ITPR1: variants seen among roughly 807,000 people sequenced by gnomAD.
The protein encoded by ITPR1 is inositol 1,4,5-trisphosphate-gated calcium channel ITPR1.
A neutral mutation model predicts 318.4 loss-of-function variants in ITPR1; 96 were observed. The ratio of observed to expected loss-of-function variants is 0.30; its 90% CI spans 0.26 to 0.36. ITPR1 has a LOEUF of 0.36. Ranked by LOEUF, ITPR1 falls within the 10% of genes least tolerant of loss-of-function variation. ITPR1 has a pLI of 1.00. For synonymous variants in ITPR1, 1,312 were observed against 1,289.9 expected, an observed-to-expected ratio of 1.02 and a Z score of -0.37; for missense variants, 2,440 against 3,460.2, an observed-to-expected ratio of 0.71 and a Z score of 7.40.
chr3:4,551,112 T>TA (rs2085522940), intron 4 of ITPR1, among the ~76,000 whole-genome samples: 1 of 152,178 alleles, frequency 6.6e-6, no homozygotes, highest in Non-Finnish European at 1.5e-5. Flanking sequence ...GAAGAGAAGA[T>TA]ACCAGCTGCG....
chr3:4,615,606 C>T (rs1050221390), intron 4 of ITPR1, among the ~76,000 whole-genome samples: 10 of 152,076 alleles, frequency 6.6e-5, no homozygotes, highest in Non-Finnish European at 1.3e-4. Flanking sequence ...GAACTCCTGA[C>T]CTCAGGTGAT....
intron 61 of ITPR1, among the ~76,000 whole-genome samples, chr3:4,842,351 G>A (rs2051410381): frequency 6.6e-6 from 1 of 152,190 alleles, no homozygotes; most frequent in Non-Finnish European, 1.5e-5. Context: ...GGAATTTTGA[G>A]GTTTGGTTTG....
chr3:4,555,711 A>C (rs986026742), intron 4 of ITPR1, among the ~76,000 whole-genome samples: 14 of 152,230 alleles, frequency 9.2e-5, no homozygotes, highest in African/African-American at 1.7e-4. Flanking sequence ...TGAGTGATAA[A>C]AATTCAAACT....
In ITPR1 at chr3:4,735,537, T is replaced by C. The variant is rs1004458099; in HGVS notation, c.5544+183T>C. On this transcript the variant is annotated intron_variant, in intron 44 of 61. Transcript: ENST00000649015. Reference sequence around the variant, plus strand: ...CCTGCTGTGATCATTTGGTCATAAATCAGACTTGGTTCCAGAACATGAGTT... The same window carrying C: ...CCTGCTGTGATCATTTGGTCATAAACCAGACTTGGTTCCAGAACATGAGTT... 5.0e-5 allele frequency: 29 copies of C among 578,066 alleles called. No homozygotes were observed. The African/African-American group carries it at 5.4e-4, about 11-fold the overall frequency. The allele number at this position is 578,066 out of a possible 1,614,324, so 35.8% of individuals were successfully genotyped here.
At chr3:4,689,898 T>C (rs2125243535) in intron 31 of ITPR1, among the ~76,000 whole-genome samples, 1 of 152,298 alleles carries the variant, frequency 6.6e-6, no homozygotes, top group South Asian at 2.1e-4. Flanking sequence ...TAAAAGACAT[T>C]TGCGATGCAC....
chr3:4,830,858 C>G, intron 60 of ITPR1: 1 of 450,874 alleles, frequency 2.2e-6, no homozygotes. Context: ...CTCAAGCCCC[C>G]CTCACCCTCA....
intron 3 of ITPR1, among the ~76,000 whole-genome samples, chr3:4,520,733 C>T (rs959397702): frequency 1.3e-5 from 2 of 152,168 alleles, no homozygotes; most frequent in South Asian, 2.1e-4. Context: ...TGCTGTGTCT[C>T]GCGACTTCAG....
At chr3:4,623,395 C>G (rs974930075) in intron 4 of ITPR1, among the ~76,000 whole-genome samples, 18 of 152,308 alleles carry the variant, frequency 1.2e-4, no homozygotes, top group African/African-American at 4.3e-4. Context: ...TTTTTGAAAG[C>G]TAGCTTAGTT....
chr3:4,829,649 T>C (rs1300244873), intron 60 of ITPR1, among the ~76,000 whole-genome samples: 1 of 152,140 alleles, frequency 6.6e-6, no homozygotes, highest in African/African-American at 2.4e-5. Flanking sequence ...TAACGTTTTG[T>C]ATTATTGTGG....
At chr3:4,844,480 T>G (rs2051607943) in intron 61 of ITPR1, among the ~76,000 whole-genome samples, 1 of 152,216 alleles carries the variant, frequency 6.6e-6, no homozygotes, top group Non-Finnish European at 1.5e-5. Context: ...CAAATTTAGC[T>G]AAGTTGTATT....
intron 60 of ITPR1, among the ~76,000 whole-genome samples, chr3:4,820,009 A>G (rs1011022368): frequency 6.6e-6 from 1 of 152,124 alleles, no homozygotes; most frequent in African/African-American, 2.4e-5. Flanking sequence ...CGTTGATAGG[A>G]AACCGGGAGG....
intron 44 of ITPR1, among the ~76,000 whole-genome samples, chr3:4,745,844 G>A (rs1443968503): frequency 6.6e-6 from 1 of 152,110 alleles, no homozygotes; most frequent in South Asian, 2.1e-4. Context: ...GCCCTCTCGT[G>A]TTCCATAGCT....
chr3:4,602,576 T>G (rs1559517985), intron 4 of ITPR1, among the ~76,000 whole-genome samples: 1 of 150,214 alleles, frequency 6.7e-6, no homozygotes, highest in Non-Finnish European at 1.5e-5. Context: ...TATAGCAACA[T>G]TATTCATCGT....
Position 4,613,689 on chromosome 3 carries a change from T to G in ITPR1, c.164-14074T>G, listed in dbSNP as rs542225359. 2.1e-4 allele frequency among the ~76,000 whole-genome samples: 32 copies of G among 152,294 alleles called. 2 individuals are homozygous for G. The highest frequency in any genetic ancestry group is 7.5e-4 in the African/African-American group (31 of 41,550). On this transcript the variant is annotated intron_variant, in intron 4 of 61. Coordinates refer to ENST00000649015, the MANE Select transcript of ITPR1 (RefSeq NM_001378452.1). Reference sequence around the variant, plus strand: ...TTTTCCAGCAGTGCAAATTGGACATTGTTATCTTTTTACATGAAGGGAAAA... The same window carrying G: ...TTTTCCAGCAGTGCAAATTGGACATGGTTATCTTTTTACATGAAGGGAAAA...
intron 4 of ITPR1, among the ~76,000 whole-genome samples, chr3:4,609,087 T>TAC (rs1365493770): frequency 5.2e-5 from 5 of 96,918 alleles, no homozygotes; most frequent in East Asian, 3.1e-4. Context: ...TATATATATA[T>TAC]ATACACACAC....
chr3:4,813,320 A>C (rs1477623337), intron 57 of ITPR1, 86 bp downstream of exon 57: 3 of 914,380 alleles, frequency 3.3e-6, no homozygotes, highest in Non-Finnish European at 5.1e-6. Flanking sequence ...AAGAAGATTA[A>C]ATTTACTGCT....
intron 44 of ITPR1, chr3:4,750,430 T>G (rs2044416050): frequency 6.6e-6 from 1 of 152,202 alleles, no homozygotes; most frequent in Non-Finnish European, 1.5e-5. Context: ...ATGCTGCATT[T>G]TTTTTTGGTA....
Position 4,711,745 on chromosome 3 carries a change from C to G in ITPR1, c.4992-12C>G, listed in dbSNP as rs138328854. The G allele has an allele frequency of 1.4e-6, 2 of 1,417,526 alleles. No individual in the cohort carries two copies. Among genetic ancestry groups the G allele is most frequent in the African/African-American group, 1.4e-5 (1 of 70,158 alleles). The allele number at this position is 1,417,526 out of a possible 1,614,324, so 87.8% of individuals were successfully genotyped here. ...CTTCAAGGAAGTAATCCGTGGTTTT[C>G]CCCCCATTCAGGTTAATAAAGCATA... On this transcript the variant is annotated splice_polypyrimidine_tract_variant and intron_variant, in intron 38 of 61. Coordinates refer to ENST00000649015, the MANE Select transcript of ITPR1 (RefSeq NM_001378452.1).
At chr3:4,756,845 C>CT (rs1237473460) in intron 44 of ITPR1, among the ~76,000 whole-genome samples, 1 of 152,254 alleles carries the variant, frequency 6.6e-6, no homozygotes, top group Non-Finnish European at 1.5e-5. Flanking sequence ...ACACCCAGCT[C>CT]TTTTCTGGAT....
Sources: gnomAD v4.1 joint callset for allele counts (sites outside exome capture counted in the v4.1 genomes callset) on GRCh38, gnomAD v4.1.1 for gene constraint, MANE v1.5 for transcripts, NCBI Gene and HGNC (gene_info 2026-07-23, HGNC 2026-07-21) for gene names.